Variants in SLC39A11 observed in about 807,000 individuals in gnomAD.
SLC39A11 encodes zinc transporter ZIP11.
In SLC39A11, 33 loss-of-function variants were observed where a neutral mutation model predicts 36.1. The observed-to-expected ratio is 0.91, with a 90% CI of 0.69 to 1.22. The LOEUF is 1.22. Ranked by LOEUF, SLC39A11 falls within the 50% of genes most tolerant of loss-of-function variation. The probability of loss-of-function intolerance (pLI) is 0.00; values close to 1 mark genes in which losing one functional copy is unlikely to be tolerated. For synonymous variants in SLC39A11, 166 were observed against 170.3 expected (o/e 0.97, Z 0.20); for missense variants, 432 against 430.3 (o/e 1.00, Z -0.03).
chr17:73,075,953 A>G (rs890557437), intron 3 of SLC39A11, among the ~76,000 whole-genome samples: 3 of 152,226 alleles, frequency 2.0e-5, no homozygotes, highest in Non-Finnish European at 4.4e-5. Context: ...TATACCTCAA[A>G]GAGTCATTCT....
chr17:72,701,410 G>C (rs922021355), intron 7 of SLC39A11, among the ~76,000 whole-genome samples: 1 of 152,154 alleles, frequency 6.6e-6, no homozygotes, highest in African/African-American at 2.4e-5. Flanking sequence ...GCTCTTTCAA[G>C]AGATAGTGAG....
At chr17:72,837,314 A>T (rs1323652238) in intron 6 of SLC39A11, among the ~76,000 whole-genome samples, 1 of 151,030 alleles carries the variant, frequency 6.6e-6, no homozygotes, top group Non-Finnish European at 1.5e-5. Flanking sequence ...CTTGGAGGAA[A>T]ATTCACTAGA....
intron 4 of SLC39A11, among the ~76,000 whole-genome samples, chr17:72,968,757 C>G (rs1007892024): frequency 1.3e-5 from 2 of 152,218 alleles, no homozygotes; most frequent in East Asian, 1.9e-4. Context: ...TCACAAAGAG[C>G]AAGACACGAT....
chr17:72,763,978 G>A lies in SLC39A11; in HGVS notation c.602-27259C>T, dbSNP rs566446870. Among the ~76,000 whole-genome samples, 7 of 151,972 alleles carry A rather than the reference G, an allele frequency of 4.6e-5. No homozygotes were observed. The South Asian group carries it at 1.3e-3, about 27-fold the overall frequency. On this transcript the variant is annotated intron_variant, in intron 6 of 9. Coordinates refer to ENST00000255559, the MANE Select transcript of SLC39A11 (RefSeq NM_139177.4). The stretch of plus-strand genomic sequence containing the variant: ...GGATCTTTGCATCTATGGCTTCCAC[G>A]GTCTCTGCTTGACTTGTCTTCTCCT...
intron 7 of SLC39A11, among the ~76,000 whole-genome samples, chr17:72,692,598 A>G (rs960874536): frequency 6.6e-6 from 1 of 152,228 alleles, no homozygotes. Flanking sequence ...ATAGCACAGG[A>G]AAGACCAGCT....
rs558267553 is a variant in SLC39A11 at position 72,920,176 on chromosome 17, T to C, written c.430+27576A>G. Reference sequence around the variant, plus strand: ...CATAAGTGGAAATTCAACAGGGGGATAAGGGAAAATGTCCTCCCTGCTGCA... The same window carrying C: ...CATAAGTGGAAATTCAACAGGGGGACAAGGGAAAATGTCCTCCCTGCTGCA... On this transcript the variant is annotated intron_variant, in intron 5 of 9. Coordinates refer to ENST00000255559, the MANE Select transcript of SLC39A11 (RefSeq NM_139177.4). Among the ~76,000 whole-genome samples, 7 of 152,122 alleles carry C rather than the reference T, an allele frequency of 4.6e-5. No individual in the cohort carries two copies. The East Asian group carries it at 1.4e-3, about 29-fold the overall frequency.
chr17:72,992,050 G>A (rs2089215746), intron 4 of SLC39A11, among the ~76,000 whole-genome samples: 1 of 152,008 alleles, frequency 6.6e-6, no homozygotes, highest in Non-Finnish European at 1.5e-5. Context: ...AATACAAAAG[G>A]TGAGAATTTA....
intron 6 of SLC39A11, among the ~76,000 whole-genome samples, chr17:72,744,732 A>G (rs2074859723): frequency 6.6e-6 from 1 of 152,180 alleles, no homozygotes; most frequent in Non-Finnish European, 1.5e-5. Flanking sequence ...GGCTTCTTTT[A>G]TATAGGCATT....
chr17:72,907,081 A>G (rs1460037191), intron 5 of SLC39A11, among the ~76,000 whole-genome samples: 1 of 152,240 alleles, frequency 6.6e-6, no homozygotes, highest in Non-Finnish European at 1.5e-5. Context: ...GTGGGAAGAG[A>G]GAGCTGGCAT....
chr17:72,982,724 C>A (rs1017671722), intron 4 of SLC39A11, among the ~76,000 whole-genome samples: 17 of 150,514 alleles, frequency 1.1e-4, no homozygotes, highest in African/African-American at 3.9e-4. Flanking sequence ...CTCTACTATG[C>A]CTTATTTGAC....
rs191873896 is a variant in SLC39A11, at chr17:72,890,986, G to A, written c.431-41182C>T. ...CACTGGATTTGATGTTTAGTGGGTC[G>A]CTGATCACAAGGGGGTGGAAAGTGA... is the stretch of plus-strand genomic sequence containing the variant. On this transcript the variant is annotated intron_variant, in intron 5 of 9. Coordinates refer to ENST00000255559, the MANE Select transcript of SLC39A11 (RefSeq NM_139177.4). Among the ~76,000 whole-genome samples, 14 of 151,770 alleles carry A rather than the reference G, an allele frequency of 9.2e-5. No individual in the cohort carries two copies. The East Asian group carries it at 2.3e-3, about 25-fold the overall frequency.
intron 7 of SLC39A11, among the ~76,000 whole-genome samples, chr17:72,706,670 G>A (rs2072906594): frequency 6.6e-6 from 1 of 152,220 alleles, no homozygotes; most frequent in South Asian, 2.1e-4. Context: ...TTCCCCTCAT[G>A]ACCCAAGTTA....
chr17:73,045,866 A>G (rs182958402), intron 3 of SLC39A11, among the ~76,000 whole-genome samples: 1 of 152,166 alleles, frequency 6.6e-6, no homozygotes, highest in South Asian at 2.1e-4. Flanking sequence ...GAGTGAGAAC[A>G]TGTTGCCCCA....
At chr17:72,721,030 A>C (rs1034233355) in intron 7 of SLC39A11, among the ~76,000 whole-genome samples, 10 of 149,200 alleles carry the variant, frequency 6.7e-5, no homozygotes, top group Middle Eastern at 3.6e-3. Context: ...ACCCCAAAAG[A>C]GGTAGGTTCT....
At chr17:73,018,613 C>T (rs2058246175) in intron 4 of SLC39A11, among the ~76,000 whole-genome samples, 1 of 151,874 alleles carries the variant, frequency 6.6e-6, no homozygotes, top group South Asian at 2.1e-4. Flanking sequence ...CAATTAACCA[C>T]AAAAATAGGG....
chr17:72,810,833 A>C (rs1183600901), intron 6 of SLC39A11, among the ~76,000 whole-genome samples: 1 of 151,994 alleles, frequency 6.6e-6, no homozygotes, highest in Admixed American at 6.6e-5. Flanking sequence ...TTATAGGTGC[A>C]CACCACTACA....
chr17:72,721,215 G>C (rs1001527257), intron 7 of SLC39A11, among the ~76,000 whole-genome samples: 1 of 151,402 alleles, frequency 6.6e-6, no homozygotes, highest in African/African-American at 2.4e-5. Flanking sequence ...TCCCGCCTCA[G>C]CCTCCTGAGT....
At chr17:72,716,751 T>C (rs1422901421) in intron 7 of SLC39A11, among the ~76,000 whole-genome samples, 1 of 151,918 alleles carries the variant, frequency 6.6e-6, no homozygotes, top group East Asian at 1.9e-4. Flanking sequence ...GGCGGATCAC[T>C]TGAGGACAGG....
chr17:72,723,847 T>A (rs2073812258), intron 7 of SLC39A11, among the ~76,000 whole-genome samples: 1 of 152,194 alleles, frequency 6.6e-6, no homozygotes, highest in Non-Finnish European at 1.5e-5. Flanking sequence ...CATGATGGCA[T>A]ATTTTGCAGG....
Sources: allele counts gnomAD v4.1 joint callset (sites outside exome capture counted in the v4.1 genomes callset), GRCh38; gene constraint gnomAD v4.1.1; transcripts MANE v1.5; gene names NCBI Gene and HGNC (gene_info 2026-07-23, HGNC 2026-07-21).